The following IGSF3 variants were observed in gnomAD, a reference collection of about 807,000 sequenced individuals.
IGSF3 encodes the protein glu-Trp-Ile EWI motif-containing protein 3.
In IGSF3, 23 loss-of-function variants were observed where a neutral mutation model predicts 114.4. The ratio of observed to expected loss-of-function variants is 0.20; its 90% CI spans 0.14 to 0.28. The LOEUF is 0.28. Among genes scored for constraint, IGSF3 ranks in the 10% least tolerant of loss-of-function variants. The pLI is 1.00. For synonymous variants in IGSF3, 571 were observed against 645.2 expected, an observed-to-expected ratio of 0.88 and a Z score of 1.74; for missense variants, 1,172 against 1,591.5, an observed-to-expected ratio of 0.74 and a Z score of 4.48.
In IGSF3 at chr1:116,642,593, C is replaced by T. The variant is rs1432046261; in HGVS notation, c.43+23691G>A. On this transcript the variant is annotated intron_variant, in intron 2 of 10. Transcript: ENST00000369486. The surrounding 1 kb of genome is among the most constrained non-coding windows in gnomAD (Gnocchi z 5.4). ...AGTGGTGGGAAGAAGCAGATTGGTT[C>T]AACAGGGTAACCAAATGTGAAAAAG... 6.6e-6 allele frequency among the ~76,000 whole-genome samples: 1 copy of T among 152,194 alleles called. No individual in the cohort carries two copies. The highest frequency in any genetic ancestry group is 2.4e-5 in the African/African-American group (1 of 41,458).
Position 116,634,313 on chromosome 1 carries a change from G to C in IGSF3, c.44-17856C>G, listed in dbSNP as rs1647724201. On this transcript the variant is annotated intron_variant, in intron 2 of 10. Coordinates refer to ENST00000369486, the MANE Select transcript of IGSF3 (RefSeq NM_001007237.3). The surrounding 1 kb of genome is among the most constrained non-coding windows in gnomAD (Gnocchi z 4.2). ...TGTTTAAAAATCTAAGAGGAAAAAA[G>C]GGTAGGCTCCAGCTAGCGGAGAGAA... is the stretch of plus-strand genomic sequence containing the variant. Among the ~76,000 whole-genome samples, 1 of 152,190 alleles carries C rather than the reference G, an allele frequency of 6.6e-6. No homozygotes were observed. The highest frequency in any genetic ancestry group is 2.4e-5 in the African/African-American group (1 of 41,444).
rs1661245763 is a variant in IGSF3, at chr1:116,616,996, G to A, written c.44-539C>T. Among the ~76,000 whole-genome samples the A allele has an allele frequency of 6.6e-6, 1 of 152,040 alleles. No individual in the cohort carries two copies. The highest frequency in any genetic ancestry group is 2.4e-5 in the African/African-American group (1 of 41,388). On this transcript the variant is annotated intron_variant, in intron 2 of 10. Transcript: ENST00000369486. The surrounding 1 kb of genome is among the most constrained non-coding windows in gnomAD (Gnocchi z 6.6). ...AGCTGCTCCCCAACACCACCCCAAG[G>A]GGCATTCCTTAGTTTCTCTTCCCTC...
chr1:116,600,278 C>A lies in IGSF3; in HGVS notation c.1692G>T (p.Leu564Phe). Residue 564 changes from leucine to phenylalanine, a missense_variant, in exon 7 of 11, where the codon TTG becomes TTT. Leu to Phe is a conservative substitution (Grantham distance 22, BLOSUM62 0). This residue lies in a region of IGSF3 where 736 missense variants were observed against 1,042.0 expected (regional missense o/e 0.71). Coordinates refer to ENST00000369486, the MANE Select transcript of IGSF3 (RefSeq NM_001007237.3). This position sits in a 1 kb window ranked among gnomAD's most constrained non-coding sequence, Gnocchi z 5.5. ...PGVTYSDSFD[L>F]QCIIKPHYPA... Reference sequence around the variant, plus strand: ...GGTAGTGGGGTTTGATGATACACTGCAAGTCAAAGGAGTCGCTGTAGGTCA... The same window carrying A: ...GGTAGTGGGGTTTGATGATACACTGAAAGTCAAAGGAGTCGCTGTAGGTCA... 6.2e-7 allele frequency: 1 copy of A among 1,613,878 alleles called. No individual in the cohort carries two copies. The highest frequency in any genetic ancestry group is 8.5e-7 in the Non-Finnish European group (1 of 1,179,930).
At chr1:116,619,810 T>A (rs2101023127) in intron 2 of IGSF3, among the ~76,000 whole-genome samples, 1 of 152,264 alleles carries the variant, frequency 6.6e-6, no homozygotes, top group South Asian at 2.1e-4. Context: ...AGACATTCTG[T>A]ACTCTTTGGA....
intron 2 of IGSF3, among the ~76,000 whole-genome samples, chr1:116,643,388 G>T (rs907883990): frequency 1.3e-5 from 2 of 152,210 alleles, no homozygotes; most frequent in African/African-American, 4.8e-5. Flanking sequence ...GATTCAGGGC[G>T]GACACTCCTC....
chr1:116,579,666 G>GTCGTCCTCC lies in IGSF3; in HGVS notation c.3059_3060insGGAGGACGA (p.Glu1019_Asp1020insGluGluAsp), dbSNP rs781349066. On this transcript the variant is annotated inframe_insertion, in exon 10 of 11. Transcript: ENST00000369486. This position sits in a 1 kb window ranked among gnomAD's most constrained non-coding sequence, Gnocchi z 6.4. ...CTGTTGGGTCGTCGTCGTCGTCGTC[G>GTCGTCCTCC]TCCTCCTCCTCCTCCTCCTCCCTTT... 3 of 1,594,522 alleles carry GTCGTCCTCC rather than the reference G, an allele frequency of 1.9e-6. No homozygotes were observed. The highest frequency in any genetic ancestry group is 1.4e-5 in the African/African-American group (1 of 73,564).
At position 116,665,107 on chromosome 1, in the gene IGSF3, T is replaced by C. The variant is rs78341999; in HGVS notation, c.43+1177A>G. ...TTAGTTATCACACCTTCCCTTGTTT[T>C]ATTGTTTCTGTTTTATTGACATTCA... On this transcript the variant is annotated intron_variant, in intron 2 of 10. Coordinates refer to ENST00000369486, the MANE Select transcript of IGSF3 (RefSeq NM_001007237.3). The surrounding 1 kb of genome is among the most constrained non-coding windows in gnomAD (Gnocchi z 4.0). 0.035 allele frequency among the ~76,000 whole-genome samples: 5,321 copies of C among 152,280 alleles called. 312 individuals are homozygous for C. Among genetic ancestry groups the C allele is most frequent in the African/African-American group, 0.12 (5,010 of 41,514 alleles).
intron 2 of IGSF3, among the ~76,000 whole-genome samples, chr1:116,635,838 T>C (rs1369362287): frequency 6.6e-6 from 1 of 152,210 alleles, no homozygotes; most frequent in Non-Finnish European, 1.5e-5. Context: ...TGCCCACTCA[T>C]ACTTTAAGGC....
In IGSF3 at chr1:116,647,831, C is replaced by T. The variant is rs1039064102; in HGVS notation, c.43+18453G>A. ...TAAAATAAGAGCAGCTGACTGGGCA[C>T]GGTGGCTCACGCCTGTAATCCAAGC... On this transcript the variant is annotated intron_variant, in intron 2 of 10. Transcript: ENST00000369486. This position sits in a 1 kb window ranked among gnomAD's most constrained non-coding sequence, Gnocchi z 4.6. Among the ~76,000 whole-genome samples, 1 of 152,196 alleles carries T rather than the reference C, an allele frequency of 6.6e-6. No individual in the cohort carries two copies. The highest frequency in any genetic ancestry group is 1.5e-5 in the Non-Finnish European group (1 of 68,038).
At chr1:116,659,415 G>A (rs1649015676) in intron 2 of IGSF3, among the ~76,000 whole-genome samples, 1 of 152,008 alleles carries the variant, frequency 6.6e-6, no homozygotes, top group African/African-American at 2.4e-5. Flanking sequence ...GGCAACATGT[G>A]ATTTTCCACA....
In IGSF3 at chr1:116,603,597, C is replaced by T. The variant is rs568827675; in HGVS notation, c.1624+27G>A. On this transcript the variant is annotated intron_variant, in intron 6 of 10. Transcript: ENST00000369486. This position sits in a 1 kb window ranked among gnomAD's most constrained non-coding sequence, Gnocchi z 7.1. ...CACTGAAGCTGTCTCCATGCCAGAC[C>T]CACTGCCAGTCCCACCGCTCACTCA... The T allele has an allele frequency of 3.7e-6, 6 of 1,601,912 alleles. No homozygotes were observed. The East Asian group carries it at 1.3e-4, about 36-fold the overall frequency.
chr1:116,620,782 C>G (rs1661390514), intron 2 of IGSF3, among the ~76,000 whole-genome samples: 1 of 152,174 alleles, frequency 6.6e-6, no homozygotes, highest in Admixed American at 6.5e-5. Context: ...ACTCTGTCAC[C>G]CAGGCTAGAG....
At position 116,666,354 on chromosome 1, in the gene IGSF3, A is replaced by T. The variant is rs1020460201; in HGVS notation, c.-28T>A. On this transcript the variant is annotated 5_prime_UTR_variant, in exon 2 of 11. Coordinates refer to ENST00000369486, the MANE Select transcript of IGSF3 (RefSeq NM_001007237.3). The stretch of plus-strand genomic sequence containing the variant: ...CGGCAGCCTCCAGGAGACACAACAC[A>T]AGGCGCTTCCTCTTCTCCCAGCTCC... The T allele has an allele frequency of 1.2e-6, 2 of 1,611,740 alleles. No homozygotes were observed. Among genetic ancestry groups the T allele is most frequent in the African/African-American group, 2.7e-5 (2 of 74,884 alleles).
Position 116,577,708 on chromosome 1 carries a change from G to A in IGSF3, c.3335-146C>T, listed in dbSNP as rs1212672046. On this transcript the variant is annotated intron_variant, in intron 10 of 10. Coordinates refer to ENST00000369486, the MANE Select transcript of IGSF3 (RefSeq NM_001007237.3). This position sits in a 1 kb window ranked among gnomAD's most constrained non-coding sequence, Gnocchi z 5.7. ...TGTCTTTCCCCTGCTACCATTAATG[G>A]TGGAAGATGACCCTTATATTCTTTT... 53 of 689,596 alleles carry A rather than the reference G, an allele frequency of 7.7e-5. No homozygotes were observed. The highest frequency in any genetic ancestry group is 1.2e-5 in the Non-Finnish European group (5 of 407,360). 42.7% of individuals were successfully genotyped at this position (689,596 alleles called of 1,614,324 possible). A position where few individuals can be genotyped will look rare whatever the true frequency, so the allele number is the denominator to read the frequency against.
At position 116,607,924 on chromosome 1, in the gene IGSF3, G is replaced by A; in HGVS notation, c.1222+18C>T. ...TGCTGAGCCAAAGGAGAAGAAAGCA[G>A]CACATCTCTCTACTTACTGAGGGGG... is the stretch of plus-strand genomic sequence containing the variant. On this transcript the variant is annotated intron_variant, in intron 5 of 10. Coordinates refer to ENST00000369486, the MANE Select transcript of IGSF3 (RefSeq NM_001007237.3). The surrounding 1 kb of genome is among the most constrained non-coding windows in gnomAD (Gnocchi z 6.1). 1 of 1,610,338 alleles carries A rather than the reference G, an allele frequency of 6.2e-7. No homozygotes were observed. Among genetic ancestry groups the A allele is most frequent in the Non-Finnish European group, 8.5e-7 (1 of 1,177,074 alleles).
At position 116,657,298 on chromosome 1, in the gene IGSF3, C is replaced by T. The variant is rs759182930; in HGVS notation, c.43+8986G>A. Among the ~76,000 whole-genome samples the T allele has an allele frequency of 6.6e-6, 1 of 152,150 alleles. No homozygotes were observed. Among genetic ancestry groups the T allele is most frequent in the Non-Finnish European group, 1.5e-5 (1 of 68,038 alleles). ...CACCTAGCAAGGTCAATCAAGGTCACCAATGCAAAGAAGTAGTGGGCAAAC... is the reference window on the plus strand; with the variant it reads ...CACCTAGCAAGGTCAATCAAGGTCATCAATGCAAAGAAGTAGTGGGCAAAC... On this transcript the variant is annotated intron_variant, in intron 2 of 10. Transcript: ENST00000369486. The surrounding 1 kb of genome is among the most constrained non-coding windows in gnomAD (Gnocchi z 4.2).
chr1:116,585,537 T>A lies in IGSF3; in HGVS notation c.2441-485A>T, dbSNP rs1163835712. Among the ~76,000 whole-genome samples the A allele has an allele frequency of 6.6e-6, 1 of 152,192 alleles. No individual in the cohort carries two copies. Among genetic ancestry groups the A allele is most frequent in the Non-Finnish European group, 1.5e-5 (1 of 68,032 alleles). On this transcript the variant is annotated intron_variant, in intron 8 of 10. Transcript: ENST00000369486. The surrounding 1 kb of genome is among the most constrained non-coding windows in gnomAD (Gnocchi z 4.9). Reference sequence around the variant, plus strand: ...GGGGAAAGCCAGTTTAATCTGTTCATGTGTTAGCCCTACGAATTGTAGTCC... The same window carrying A: ...GGGGAAAGCCAGTTTAATCTGTTCAAGTGTTAGCCCTACGAATTGTAGTCC...
At chr1:116,611,501 C>A (rs1476702009) in intron 4 of IGSF3, among the ~76,000 whole-genome samples, 1 of 152,084 alleles carries the variant, frequency 6.6e-6, no homozygotes, top group African/African-American at 2.4e-5. Context: ...AGAGTCAAGC[C>A]CCGGCTCTAT....
In IGSF3 at chr1:116,608,268, T is replaced by C. The variant is rs1329774871; in HGVS notation, c.896A>G (p.Glu299Gly). 1.9e-6 allele frequency: 3 copies of C among 1,612,472 alleles called. No homozygotes were observed. The highest frequency in any genetic ancestry group is 2.5e-6 in the Non-Finnish European group (3 of 1,178,978). The change falls in exon 5 of 11, where the codon GAG becomes GGG. Residue 299 changes from glutamate (E) to glycine (G), a missense_variant. Glu to Gly is a moderately conservative substitution (Grantham distance 98). This residue lies in a region of IGSF3 where 736 missense variants were observed against 1,042.0 expected (regional missense o/e 0.71). Transcript: ENST00000369486. ...KRLHTVGEPV[E>G]FRCILEAQNV... ...CTGAGCCTCCAGGATGCATCTGAAC[T>C]CCACCGGCTCGCCCACCGTGTGCAG...
Sources: allele counts gnomAD v4.1 joint callset (sites outside exome capture counted in the v4.1 genomes callset), GRCh38; gene constraint gnomAD v4.1.1; regional missense constraint gnomAD v4.1.1; non-coding constraint Gnocchi (gnomAD v3.1); transcripts MANE v1.5; gene names NCBI Gene and HGNC (gene_info 2026-07-23, HGNC 2026-07-21).